Variants in DTNBP1 observed in about 807,000 individuals in gnomAD.
The protein encoded by DTNBP1 is dysbindin.
DTNBP1 carries 35 observed loss-of-function variants against 42.8 expected under a neutral mutation model. The ratio of observed to expected loss-of-function variants is 0.82; its 90% CI spans 0.63 to 1.09. DTNBP1 has a LOEUF of 1.09. Ranked by LOEUF, DTNBP1 falls within the 50% of genes least tolerant of loss-of-function variation. The pLI is 0.00. For synonymous variants in DTNBP1, 171 were observed against 162.2 expected (o/e 1.05, Z -0.41); for missense variants, 457 against 424.2 (o/e 1.08, Z -0.68).
At chr6:15,585,926 T>G in intron 7 of DTNBP1, 1 of 1,384,938 alleles carries the variant, frequency 7.2e-7, no homozygotes. Flanking sequence ...AGCCTATTAG[T>G]TTTTTGCTGA....
chr6:15,659,576 G>A (rs1220733175), intron 1 of DTNBP1, among the ~76,000 whole-genome samples: 4 of 144,878 alleles, frequency 2.8e-5, no homozygotes, highest in East Asian at 3.9e-4. Flanking sequence ...TTTTTGAGAC[G>A]GAGTCTCCCT....
chr6:15,648,362 A>G (rs941145259), intron 3 of DTNBP1, among the ~76,000 whole-genome samples: 2 of 152,064 alleles, frequency 1.3e-5, no homozygotes, highest in African/African-American at 4.8e-5. Flanking sequence ...TGCTTTTTCC[A>G]CTTCGATTCA....
intron 7 of DTNBP1, among the ~76,000 whole-genome samples, chr6:15,556,553 A>G (rs530473299): frequency 6.6e-6 from 1 of 152,316 alleles, no homozygotes; most frequent in South Asian, 2.1e-4. Flanking sequence ...CATGTACAGA[A>G]GCACATGGGA....
At chr6:15,604,376 C>A (rs1776849708) in intron 6 of DTNBP1, among the ~76,000 whole-genome samples, 1 of 152,182 alleles carries the variant, frequency 6.6e-6, no homozygotes, top group Non-Finnish European at 1.5e-5. Flanking sequence ...AAGCTAGTTA[C>A]TGCCCTGCTG....
intron 9 of DTNBP1, chr6:15,524,269 A>AACAAGAAAGCTCTCAACTCACCAAAGTT: frequency 2.5e-6 from 4 of 1,605,336 alleles, no homozygotes; most frequent in Non-Finnish European, 2.5e-6. Flanking sequence ...AGGGAAAACA[A>AACAAGAAAGCTCTCAACTCACCAAAGTT]ACAAGAAAGC....
intron 9 of DTNBP1, chr6:15,523,476 G>T: frequency 7.7e-7 from 1 of 1,291,062 alleles, no homozygotes; most frequent in Non-Finnish European, 1.0e-6. Context: ...TGCTCCTAAG[G>T]CTGTAATACG....
At chr6:15,662,488 A>T (rs1415671437) in intron 1 of DTNBP1, among the ~76,000 whole-genome samples, 1 of 152,180 alleles carries the variant, frequency 6.6e-6, no homozygotes, top group Non-Finnish European at 1.5e-5. Flanking sequence ...CTGGCTTCTC[A>T]CATGACTTCC....
At chr6:15,606,792 T>C (rs1758084188) in intron 6 of DTNBP1, among the ~76,000 whole-genome samples, 1 of 152,132 alleles carries the variant, frequency 6.6e-6, no homozygotes, top group African/African-American at 2.4e-5. Context: ...AGAAAAGTCA[T>C]TAGTGTAGTT....
At chr6:15,523,742 G>C in intron 9 of DTNBP1, 1 of 1,287,198 alleles carries the variant, frequency 7.8e-7, no homozygotes, top group Non-Finnish European at 1.0e-6. Context: ...GAGGGTTCAC[G>C]CTGGTCTCCA....
intron 5 of DTNBP1, among the ~76,000 whole-genome samples, chr6:15,616,872 TC>T (rs1322419762): frequency 6.6e-6 from 1 of 152,064 alleles, no homozygotes; most frequent in Non-Finnish European, 1.5e-5. Context: ...TATAGAAAAC[TC>T]TAAAAGCGCC....
chr6:15,584,092 TACTA>T (rs1265086517), intron 7 of DTNBP1, among the ~76,000 whole-genome samples: 21 of 152,142 alleles, frequency 1.4e-4, no homozygotes, highest in Non-Finnish European at 3.1e-4. Context: ...AGGATATAGA[TACTA>T]ACTTTATTTA....
rs759459404 is a variant in DTNBP1, at chr6:15,662,908, T to C, written c.-39A>G. On this transcript the variant is annotated 5_prime_UTR_variant, in exon 1 of 10. Transcript: ENST00000344537. ...GGTCTCCTCTCCTCAGGCCTCGGGC[T>C]GCTGCTGCCTCTGTCGCCCCCTGGG... The C allele has an allele frequency of 1.2e-4, 195 of 1,600,304 alleles. No homozygotes were observed. Among genetic ancestry groups the C allele is most frequent in the Non-Finnish European group, 7.2e-5 (85 of 1,178,826 alleles).
At chr6:15,543,880 T>G (rs1348306013) in intron 7 of DTNBP1, among the ~76,000 whole-genome samples, 1 of 152,184 alleles carries the variant, frequency 6.6e-6, no homozygotes, top group Non-Finnish European at 1.5e-5. Context: ...AGTCCAACCC[T>G]AGCCAATAGG....
At chr6:15,526,654 CAG>C (rs1360838946) in intron 8 of DTNBP1, among the ~76,000 whole-genome samples, 1 of 152,144 alleles carries the variant, frequency 6.6e-6, no homozygotes, top group Non-Finnish European at 1.5e-5. Context: ...GCTGAGTGGT[CAG>C]GGGAATTTGA....
At chr6:15,533,567 G>GC in intron 7 of DTNBP1, 172 bp from the exon 8 acceptor site, 1 of 1,088,024 alleles carries the variant, frequency 9.2e-7, no homozygotes. Flanking sequence ...CCAATCTGCT[G>GC]CACTTCCTCC....
At chr6:15,605,763 T>C (rs1019631027) in intron 6 of DTNBP1, among the ~76,000 whole-genome samples, 2 of 152,218 alleles carry the variant, frequency 1.3e-5, no homozygotes, top group East Asian at 3.9e-4. Context: ...TACAAAAGCT[T>C]CTGCCAGGGG....
At chr6:15,546,928 T>TTC (rs753450711) in intron 7 of DTNBP1, among the ~76,000 whole-genome samples, 1 of 8,466 alleles carries the variant, frequency 1.2e-4, no homozygotes, top group Non-Finnish European at 2.1e-4. Flanking sequence ...CTTTCTTTCT[T>TTC]TTTTTTTTTT....
chr6:15,524,866 T>A (rs113096470), intron 8 of DTNBP1, among the ~76,000 whole-genome samples, 197 bp from the exon 9 acceptor site: 1 of 101,846 alleles, frequency 9.8e-6, no homozygotes, highest in Non-Finnish European at 1.9e-5. Flanking sequence ...GCAACTATTA[T>A]TACCTTTTAC....
intron 3 of DTNBP1, among the ~76,000 whole-genome samples, chr6:15,645,708 A>C (rs1485514140): frequency 6.6e-6 from 1 of 152,000 alleles, no homozygotes; most frequent in Non-Finnish European, 1.5e-5. Context: ...CTCAAAAGAC[A>C]CAGAAAAGGC....
Sources: gnomAD v4.1 joint callset for allele counts (sites outside exome capture counted in the v4.1 genomes callset) on GRCh38, gnomAD v4.1.1 for gene constraint, MANE v1.5 for transcripts, NCBI Gene and HGNC (gene_info 2026-07-23, HGNC 2026-07-21) for gene names.